Variants in SOX5 observed in about 807,000 individuals in gnomAD.
The protein encoded by SOX5 is SRY-box transcription factor 5.
Under a neutral mutation model 92.0 loss-of-function variants are expected in SOX5, and 9 were observed. The ratio of observed to expected loss-of-function variants is 0.10; its 90% CI spans 0.06 to 0.17. The LOEUF is 0.17. SOX5 is among the 10% of genes least tolerant of loss of function. The pLI, the probability that SOX5 is intolerant of heterozygous loss-of-function variation, is 1.00. For synonymous variants in SOX5, 344 were observed against 336.3 expected, an observed-to-expected ratio of 1.02 and a Z score of -0.25; for missense variants, 642 against 944.5, an observed-to-expected ratio of 0.68 and a Z score of 4.20.
chr12:23,764,862 T>C (rs2094666416), intron 3 of SOX5, among the ~76,000 whole-genome samples: 1 of 152,042 alleles, frequency 6.6e-6, no homozygotes, highest in South Asian at 2.1e-4. Flanking sequence ...TACAGCCTGA[T>C]AAAGCACTAC....
At chr12:24,225,231 A>G (rs35237321) in intron 3 of SOX5, among the ~76,000 whole-genome samples, 41,010 of 151,990 alleles carry the variant, frequency 0.27, 6,838 homozygotes, top group East Asian at 0.71. Context: ...ATCTCTAGTT[A>G]TACCTAACCC....
chr12:24,383,339 A>T (rs1958025449), intron 1 of SOX5, among the ~76,000 whole-genome samples: 1 of 152,250 alleles, frequency 6.6e-6, no homozygotes, highest in Non-Finnish European at 1.5e-5. Flanking sequence ...CTTAAAGCTA[A>T]TTCTATACAG....
chr12:23,985,101 A>G (rs938119149), intron 4 of SOX5, among the ~76,000 whole-genome samples: 11 of 152,284 alleles, frequency 7.2e-5, no homozygotes, highest in Non-Finnish European at 1.6e-4. Flanking sequence ...TCCCCTCTAT[A>G]AGACAAACAC....
chr12:24,502,423 T>C (rs758500346), intron 1 of SOX5, among the ~76,000 whole-genome samples: 2 of 152,114 alleles, frequency 1.3e-5, no homozygotes, highest in South Asian at 4.1e-4. Context: ...CCATAAACCA[T>C]AACACAAAAC....
intron 4 of SOX5, among the ~76,000 whole-genome samples, chr12:24,056,973 T>C (rs527613520): frequency 0.057 from 1,432 of 25,312 alleles, 15 homozygotes; most frequent in Middle Eastern, 0.15. Context: ...AGACTCCGTC[T>C]CAAAAAAAAA....
At position 24,422,028 on chromosome 12, in the gene SOX5, T is replaced by C. The variant is rs75304086; in HGVS notation, c.-250-53389A>G. Among the ~76,000 whole-genome samples the C allele has an allele frequency of 4.5e-3, 685 of 152,336 alleles. 11 individuals carry two copies. In the East Asian group the frequency reaches 0.051, roughly 11 times the overall value. ...CTGACTATAATCCCATCTGTAAAGG[T>C]TGACTGCACAATGACCTTGGTCAAG... On this transcript the variant is annotated intron_variant, in intron 1 of 4. Coordinates refer to the SOX5 transcript ENST00000446891.
At chr12:23,840,274 T>A (rs1314537916) in intron 3 of SOX5, among the ~76,000 whole-genome samples, 1 of 152,138 alleles carries the variant, frequency 6.6e-6, no homozygotes, top group Admixed American at 6.6e-5. Context: ...GGTATAAATG[T>A]AACAAAGTAT....
chr12:23,690,035 T>A (rs1303720450), intron 6 of SOX5, among the ~76,000 whole-genome samples: 1 of 152,144 alleles, frequency 6.6e-6, no homozygotes, highest in East Asian at 1.9e-4. Context: ...CTAATGCATA[T>A]AATCACTACC....
At chr12:23,713,962 C>T (rs1249361075) in intron 6 of SOX5, among the ~76,000 whole-genome samples, 1 of 150,620 alleles carries the variant, frequency 6.6e-6, no homozygotes, top group East Asian at 2.0e-4. Flanking sequence ...TGTGGCGGTG[C>T]ACACCTGCAA....
At chr12:23,828,001 A>G (rs1036248996) in intron 3 of SOX5, among the ~76,000 whole-genome samples, 12 of 152,196 alleles carry the variant, frequency 7.9e-5, no homozygotes, top group African/African-American at 2.9e-4. Flanking sequence ...TCTATGATTT[A>G]TTCCACATAT....
intron 9 of SOX5, 138 bp downstream of exon 9, chr12:23,604,249 T>G: frequency 1.3e-6 from 1 of 750,030 alleles, no homozygotes. Context: ...CATGCACACC[T>G]GTTGCCCTTA....
In SOX5 at chr12:23,624,349, A is replaced by G. The variant is rs576588620; in HGVS notation, c.1017+16463T>C. Among the ~76,000 whole-genome samples, 4 of 152,318 alleles carry G rather than the reference A, an allele frequency of 2.6e-5. 1 individual carries two copies. The South Asian group carries it at 8.3e-4, about 32-fold the overall frequency. ...GTTAATATGGTAAATTTTATGTTAA[A>G]CATATTTTACCATGATAAAAAGAAA... On this transcript the variant is annotated intron_variant, in intron 8 of 14. Coordinates refer to ENST00000451604, the MANE Select transcript of SOX5 (RefSeq NM_006940.6).
chr12:24,212,523 C>G, intron 4 of SOX5: 1 of 527,124 alleles, frequency 1.9e-6, no homozygotes, highest in South Asian at 1.4e-5. Flanking sequence ...GGAAGGATTA[C>G]AAGGAAGGAG....
In SOX5 at chr12:23,653,022, GTACA is replaced by G. The variant is rs1254857495; in HGVS notation, c.932-12129_932-12126del. Among the ~76,000 whole-genome samples the G allele has an allele frequency of 5.0e-5, 7 of 140,530 alleles. 1 individual carries two copies. The highest frequency in any genetic ancestry group is 2.1e-4 in the African/African-American group (7 of 32,876). 92.2% of individuals were successfully genotyped at this position (140,530 alleles called of 152,430 possible). On this transcript the variant is annotated intron_variant, in intron 7 of 14. Transcript: ENST00000451604. Reference sequence around the variant, plus strand: ...AATATGGATGGATGGATGGATGAATGTACAGATAGATGGATGGATGGATGGATGG... The same window carrying G: ...AATATGGATGGATGGATGGATGAATGGATAGATGGATGGATGGATGGATGG...
At chr12:24,063,254 A>G (rs753841532) in intron 4 of SOX5, among the ~76,000 whole-genome samples, 7 of 152,162 alleles carry the variant, frequency 4.6e-5, no homozygotes, top group Non-Finnish European at 8.8e-5. Context: ...TTGGGTTGGG[A>G]ATATGTCTTA....
At chr12:23,874,582 G>A (rs985637524) in intron 2 of SOX5, among the ~76,000 whole-genome samples, 1 of 152,110 alleles carries the variant, frequency 6.6e-6, no homozygotes, top group African/African-American at 2.4e-5. Flanking sequence ...GAAATAGTAC[G>A]GGCAGCAACT....
intron 3 of SOX5, among the ~76,000 whole-genome samples, chr12:24,214,268 T>G (rs1958984061): frequency 6.6e-6 from 1 of 152,080 alleles, no homozygotes; most frequent in Non-Finnish European, 1.5e-5. Context: ...AGTAGTCACT[T>G]TATCAGAGAC....
At chr12:24,095,719 T>C (rs1168079146) in intron 4 of SOX5, among the ~76,000 whole-genome samples, 1 of 152,124 alleles carries the variant, frequency 6.6e-6, no homozygotes, top group Non-Finnish European at 1.5e-5. Flanking sequence ...TGGAGGTAAT[T>C]GAATCATGGG....
chr12:23,597,489 G>A (rs1952668614), intron 9 of SOX5, among the ~76,000 whole-genome samples: 1 of 152,164 alleles, frequency 6.6e-6, no homozygotes, highest in Non-Finnish European at 1.5e-5. Context: ...AGGAGAGGAG[G>A]AGGCTCATCA....
Sources: allele counts gnomAD v4.1 joint callset (sites outside exome capture counted in the v4.1 genomes callset), GRCh38; gene constraint gnomAD v4.1.1; transcripts MANE v1.5; gene names NCBI Gene and HGNC (gene_info 2026-07-23, HGNC 2026-07-21).